GTF2F2: variants seen among roughly 807,000 people sequenced by gnomAD.
GTF2F2 encodes the protein general transcription factor IIF subunit 2, also known as ATP-dependent helicase GTF2F2.
In GTF2F2, 23 loss-of-function variants were observed where a neutral mutation model predicts 42.2. The ratio of observed to expected loss-of-function variants is 0.55; its 90% CI spans 0.39 to 0.77. GTF2F2 has a LOEUF of 0.77. GTF2F2 is among the 30% of genes least tolerant of loss of function. GTF2F2 has a pLI of 0.00. For synonymous variants in GTF2F2, 105 were observed against 100.8 expected, an observed-to-expected ratio of 1.04 and a Z score of -0.25; for missense variants, 261 against 287.2, an observed-to-expected ratio of 0.91 and a Z score of 0.66.
rs1234305059 is a variant in GTF2F2, at chr13:45,144,497, G to A, written c.141-5273G>A. On this transcript the variant is annotated intron_variant, in intron 2 of 7. Coordinates refer to ENST00000340473, the MANE Select transcript of GTF2F2 (RefSeq NM_004128.3). ...TTTTTTTGAGACAGAGTCTCACTCA[G>A]TCACCCAGGCTGGAGTGCAGTGGCG... Among the ~76,000 whole-genome samples, 16 of 114,858 alleles carry A rather than the reference G, an allele frequency of 1.4e-4. No individual in the cohort carries two copies. In the Admixed American group the frequency reaches 1.7e-3, roughly 12 times the overall value. The allele number at this position is 114,858 out of a possible 152,430, so 75.4% of individuals were successfully genotyped here.
At chr13:45,273,259 G>A (rs1876880499) in intron 7 of GTF2F2, among the ~76,000 whole-genome samples, 1 of 151,630 alleles carries the variant, frequency 6.6e-6, no homozygotes, top group African/African-American at 2.4e-5. Flanking sequence ...TTTTTTTTGT[G>A]GAGACAGGAT....
chr13:45,167,894 T>C lies in GTF2F2; in HGVS notation c.304+16063T>C, dbSNP rs919549185. Among the ~76,000 whole-genome samples, 24 of 152,294 alleles carry C rather than the reference T, an allele frequency of 1.6e-4. No homozygotes were observed. The South Asian group carries it at 2.5e-3, about 16-fold the overall frequency. ...TCTAAAAGAACCTTTCTTGAGAATA[T>C]TTTATGGTTGAAAGTTGTGGCATTT... is the stretch of plus-strand genomic sequence containing the variant. On this transcript the variant is annotated intron_variant, in intron 4 of 7. Transcript: ENST00000340473.
chr13:45,174,898 G>A (rs1052679980), intron 4 of GTF2F2, among the ~76,000 whole-genome samples: 1 of 152,184 alleles, frequency 6.6e-6, no homozygotes, highest in Non-Finnish European at 1.5e-5. Flanking sequence ...TGTATAAGGA[G>A]CAAATCAGAG....
At chr13:45,278,882 G>A (rs1282683540) in intron 7 of GTF2F2, among the ~76,000 whole-genome samples, 1 of 129,506 alleles carries the variant, frequency 7.7e-6, no homozygotes, top group East Asian at 2.2e-4. Context: ...GGAGTACAGT[G>A]GTGCGATCTC....
chr13:45,170,334 C>T (rs757119813), intron 4 of GTF2F2, among the ~76,000 whole-genome samples: 6 of 152,178 alleles, frequency 3.9e-5, no homozygotes, highest in Non-Finnish European at 5.9e-5. Flanking sequence ...CTTTGTAACA[C>T]GCATAGTCTG....
At chr13:45,259,668 T>G (rs1321484895) in intron 6 of GTF2F2, among the ~76,000 whole-genome samples, 1 of 136,164 alleles carries the variant, frequency 7.3e-6, no homozygotes, top group African/African-American at 2.8e-5. Flanking sequence ...TTTTTTTTTT[T>G]TTTTTGTGAG....
chr13:45,242,998 G>A (rs949304287), intron 5 of GTF2F2, among the ~76,000 whole-genome samples: 5 of 151,972 alleles, frequency 3.3e-5, no homozygotes, highest in Admixed American at 2.0e-4. Context: ...CATGAATTTT[G>A]TATTTTCAGA....
chr13:45,151,619 C>A (rs1038124995), intron 3 of GTF2F2, 68 bp from the exon 4 acceptor site: 4 of 1,012,068 alleles, frequency 4.0e-6, no homozygotes, highest in Non-Finnish European at 2.9e-6. Context: ...TGATTTATAA[C>A]AAAAATTTAT....
chr13:45,280,287 A>T (rs1877208007), intron 7 of GTF2F2, among the ~76,000 whole-genome samples: 1 of 152,198 alleles, frequency 6.6e-6, no homozygotes, highest in African/African-American at 2.4e-5. Context: ...TGTAGCCCAA[A>T]CGGGGAAGTC....
At chr13:45,181,618 A>G (rs769916310) in intron 4 of GTF2F2, among the ~76,000 whole-genome samples, 11 of 152,162 alleles carry the variant, frequency 7.2e-5, no homozygotes, top group Non-Finnish European at 1.2e-4. Context: ...AAATAAATCT[A>G]TTAACCTGTG....
At chr13:45,249,321 T>C (rs114169895) in intron 5 of GTF2F2, among the ~76,000 whole-genome samples, 489 of 152,282 alleles carry the variant, frequency 3.2e-3, no homozygotes, top group African/African-American at 0.011. Context: ...TTAAAACCCT[T>C]GTGGTTGCCT....
At chr13:45,230,750 T>G (rs888733758) in intron 5 of GTF2F2, among the ~76,000 whole-genome samples, 1 of 152,246 alleles carries the variant, frequency 6.6e-6, no homozygotes, top group Non-Finnish European at 1.5e-5. Context: ...TTTATTTATG[T>G]GGCATTGTAA....
chr13:45,267,279 C>T lies in GTF2F2; in HGVS notation c.533C>T (p.Ala178Val). The T allele has an allele frequency of 6.2e-7, 1 of 1,612,104 alleles. No individual in the cohort carries two copies. Among genetic ancestry groups the T allele is most frequent in the Non-Finnish European group, 8.5e-7 (1 of 1,178,360 alleles). The change falls in exon 7 of 8, where the codon GCT becomes GTT. Residue 178 changes from alanine (A) to valine (V), a missense_variant. By Grantham distance (64) the Ala-to-Val change is moderately conservative. Coordinates refer to ENST00000340473, the MANE Select transcript of GTF2F2 (RefSeq NM_004128.3). ...AAAGAAGACGGAAAGCGAGCTCGAG[C>T]TGATAAACAACATGTTTTAGACATG... ...KKKEDGKRAR[A>V]DKQHVLDMLF...
intron 6 of GTF2F2, 147 bp downstream of exon 6, chr13:45,253,117 A>G: frequency 2.2e-6 from 1 of 451,502 alleles, no homozygotes; most frequent in Non-Finnish European, 3.9e-6. Context: ...CTTAGTAAGG[A>G]ATATGACAAT....
intron 4 of GTF2F2, among the ~76,000 whole-genome samples, chr13:45,157,864 A>C (rs914914261): frequency 1.3e-5 from 2 of 152,128 alleles, no homozygotes; most frequent in African/African-American, 4.8e-5. Context: ...GATTATAGGC[A>C]TGAGCCACTG....
intron 3 of GTF2F2, among the ~76,000 whole-genome samples, chr13:45,150,648 A>G (rs543322347): frequency 0.02 from 1,801 of 90,090 alleles, 28 homozygotes; most frequent in African/African-American, 0.065. Flanking sequence ...GATTTTAGGG[A>G]AAAAAAAAAA....
At chr13:45,132,496 A>G (rs1223853969) in intron 1 of GTF2F2, among the ~76,000 whole-genome samples, 2 of 151,870 alleles carry the variant, frequency 1.3e-5, no homozygotes, top group African/African-American at 4.8e-5. Context: ...CAGATTTCTA[A>G]ATCAGAGTGT....
intron 5 of GTF2F2, among the ~76,000 whole-genome samples, chr13:45,246,408 A>G (rs1311359011): frequency 6.6e-6 from 1 of 152,084 alleles, no homozygotes; most frequent in Non-Finnish European, 1.5e-5. Context: ...TTTCTCCTTT[A>G]TCTTACTTAG....
chr13:45,137,779 A>T lies in GTF2F2; in HGVS notation c.140+973A>T, dbSNP rs530410327. Among the ~76,000 whole-genome samples, 327 of 152,360 alleles carry T rather than the reference A, an allele frequency of 2.1e-3. 1 individual carries two copies. Among genetic ancestry groups the T allele is most frequent in the African/African-American group, 7.7e-3 (322 of 41,590 alleles). ...AGCTCACATGGCCAAGCCCAGATTC[A>T]GTTATGGGAAAACAGACTCCACCTT... On this transcript the variant is annotated intron_variant, in intron 2 of 7. Transcript: ENST00000340473.
Sources: gnomAD v4.1 joint callset for allele counts (sites outside exome capture counted in the v4.1 genomes callset) on GRCh38, gnomAD v4.1.1 for gene constraint, MANE v1.5 for transcripts, NCBI Gene and HGNC (gene_info 2026-07-23, HGNC 2026-07-21) for gene names.